Variants in RPS6KA5 observed in about 807,000 individuals in gnomAD.
RPS6KA5 encodes the protein ribosomal protein S6 kinase alpha-5.
RPS6KA5 carries 27 observed loss-of-function variants against 85.5 expected under a neutral mutation model. The observed-to-expected ratio is 0.32, with a 90% CI of 0.23 to 0.44. The LOEUF is 0.44. Ranked by LOEUF, RPS6KA5 falls within the 20% of genes least tolerant of loss-of-function variation. RPS6KA5 has a pLI of 1.00. For missense variants in RPS6KA5, 811 were observed against 980.9 expected (o/e 0.83, Z 2.31); for synonymous variants, 334 against 348.2 (o/e 0.96, Z 0.46).
rs2032326929 is a variant in RPS6KA5 at position 90,857,194 on chromosome 14, G to C, written c.*14880C>G. ...AAATCCACTGGATAAAGTTTCAAAA[G>C]TGGGAAAGAATAACAAAGACAGGAA... On this transcript the variant is annotated 3_prime_UTR_variant, in exon 17 of 17. Coordinates refer to ENST00000614987, the MANE Select transcript of RPS6KA5 (RefSeq NM_004755.4). 1 of 152,140 alleles carries C rather than the reference G, an allele frequency of 6.6e-6. No individual in the cohort carries two copies. Among genetic ancestry groups the C allele is most frequent in the East Asian group, 1.9e-4 (1 of 5,206 alleles). 9.4% of individuals were successfully genotyped at this position (152,140 alleles called of 1,614,324 possible). A position where few individuals can be genotyped will look rare whatever the true frequency, so the allele number is the denominator to read the frequency against.
chr14:91,029,147 G>A (rs8022627), intron 1 of RPS6KA5, among the ~76,000 whole-genome samples: 20,382 of 152,090 alleles, frequency 0.13, 1,678 homozygotes, highest in East Asian at 0.31. Context: ...CACAGAAAAT[G>A]ACTTATTCTT....
At position 91,060,455 on chromosome 14, in the gene RPS6KA5, C is replaced by T. The variant is rs2043620026; in HGVS notation, c.-21G>A. 2 of 1,430,098 alleles carry T rather than the reference C, an allele frequency of 1.4e-6. No individual in the cohort carries two copies. The highest frequency in any genetic ancestry group is 1.5e-5 in the South Asian group (1 of 65,924). 88.6% of individuals were successfully genotyped at this position (1,430,098 alleles called of 1,614,324 possible). A position where few individuals can be genotyped will look rare whatever the true frequency, so the allele number is the denominator to read the frequency against. ...TCCATCTTCTCCTTTTTTTCCGATC[C>T]CGCGGGTCGCTACGAGGGGAACCCA... On this transcript the variant is annotated 5_prime_UTR_variant, in exon 1 of 17. Transcript: ENST00000614987.
intron 5 of RPS6KA5, among the ~76,000 whole-genome samples, chr14:90,941,676 A>G (rs558326093): frequency 3.4e-4 from 52 of 152,312 alleles, no homozygotes; most frequent in African/African-American, 1.2e-3. Context: ...TTGCATGCCT[A>G]CTTCGAGGGA....
At chr14:90,981,585 A>G (rs1048385614) in intron 2 of RPS6KA5, among the ~76,000 whole-genome samples, 1 of 152,262 alleles carries the variant, frequency 6.6e-6, no homozygotes, top group East Asian at 1.9e-4. Flanking sequence ...TTGCCATGTG[A>G]TAACATCAAG....
Position 90,925,959 on chromosome 14 carries a change from A to G in RPS6KA5, c.619-2763T>C, listed in dbSNP as rs202128969. Among the ~76,000 whole-genome samples, 42 of 150,696 alleles carry G rather than the reference A, an allele frequency of 2.8e-4. No individual in the cohort carries two copies. In the East Asian group the frequency reaches 4.5e-3, roughly 16 times the overall value. ...CCTGACTCAAAAAAAAAAAAAAAAA[A>G]AAAGAAAAGAAAAGAAGAAAAAGAA... On this transcript the variant is annotated intron_variant, in intron 5 of 16. Coordinates refer to ENST00000614987, the MANE Select transcript of RPS6KA5 (RefSeq NM_004755.4).
At chr14:90,913,085 AT>A (rs2035920438) in intron 7 of RPS6KA5, among the ~76,000 whole-genome samples, 1 of 151,378 alleles carries the variant, frequency 6.6e-6, no homozygotes, top group South Asian at 2.1e-4. Flanking sequence ...TAATTTTTGT[AT>A]TTTTAGTAGA....
At position 91,045,141 on chromosome 14, in the gene RPS6KA5, G is replaced by A. The variant is rs7150874; in HGVS notation, c.103+15191C>T. Reference sequence around the variant, plus strand: ...TGCTATTACAAGCCACTACATTTGTGGTAATTTGTTATGCAGCAATAGAAA... The same window carrying A: ...TGCTATTACAAGCCACTACATTTGTAGTAATTTGTTATGCAGCAATAGAAA... On this transcript the variant is annotated intron_variant, in intron 1 of 16. Coordinates refer to ENST00000614987, the MANE Select transcript of RPS6KA5 (RefSeq NM_004755.4). Among the ~76,000 whole-genome samples, 290 of 152,122 alleles carry A rather than the reference G, an allele frequency of 1.9e-3. 1 individual carries two copies. Among genetic ancestry groups the A allele is most frequent in the African/African-American group, 6.2e-3 (256 of 41,480 alleles).
Position 91,060,334 on chromosome 14 carries a change from G to T in RPS6KA5, c.101C>A (p.Thr34Asn). ...QLLTVKHELR[T>N]ANLTGHAEKV... ...CGGCAGAGGGCGGGGTCGCTCACCA[G>T]TCCGCAGCTCGTGCTTGACAGTGAG... Residue 34 changes from threonine (T) to asparagine (N), a missense_variant and splice_region_variant, in exon 1 of 17, where the codon ACT (threonine) becomes AAT (asparagine). Around this residue, in one of 3 missense-constraint regions of RPS6KA5, gnomAD observed 113 missense variants for 100.0 expected, o/e 1.13. Coordinates refer to ENST00000614987, the MANE Select transcript of RPS6KA5 (RefSeq NM_004755.4). 1 of 1,392,144 alleles carries T rather than the reference G, an allele frequency of 7.2e-7. No homozygotes were observed. 86.2% of individuals were successfully genotyped at this position (1,392,144 alleles called of 1,614,324 possible).
At chr14:90,940,397 G>A (rs1265312661) in intron 5 of RPS6KA5, among the ~76,000 whole-genome samples, 7 of 152,128 alleles carry the variant, frequency 4.6e-5, no homozygotes, top group Non-Finnish European at 7.4e-5. Flanking sequence ...CTGTTGACAC[G>A]ACTAGCAGCA....
chr14:91,021,646 C>G (rs1566874521), intron 1 of RPS6KA5, among the ~76,000 whole-genome samples: 1 of 152,214 alleles, frequency 6.6e-6, no homozygotes, highest in East Asian at 1.9e-4. Context: ...CTCCTGACCT[C>G]AGGTGATCCG....
chr14:91,008,461 T>A (rs2041124456), intron 1 of RPS6KA5, among the ~76,000 whole-genome samples: 1 of 152,184 alleles, frequency 6.6e-6, no homozygotes, highest in South Asian at 2.1e-4. Flanking sequence ...AAAAGCTCAT[T>A]GAGAATACAG....
At chr14:90,885,397 C>T (rs1426571327) in intron 14 of RPS6KA5, among the ~76,000 whole-genome samples, 2 of 150,130 alleles carry the variant, frequency 1.3e-5, no homozygotes, top group Non-Finnish European at 3.0e-5. Context: ...ACTAGAAATA[C>T]AAAAAATTAG....
In RPS6KA5 at chr14:90,872,063, T is replaced by C; in HGVS notation, c.*11A>G. 1 of 1,609,002 alleles carries C rather than the reference T, an allele frequency of 6.2e-7. No homozygotes were observed. The highest frequency in any genetic ancestry group is 8.5e-7 in the Non-Finnish European group (1 of 1,177,854). On this transcript the variant is annotated 3_prime_UTR_variant, in exon 17 of 17. Transcript: ENST00000614987. ...AAGGTGCAATGGATCACTGATACACTCCTACCATGCCTAAGCTACTGAGTC... is the reference window on the plus strand; with the variant it reads ...AAGGTGCAATGGATCACTGATACACCCCTACCATGCCTAAGCTACTGAGTC...
intron 5 of RPS6KA5, among the ~76,000 whole-genome samples, chr14:90,928,915 G>A (rs2036825267): frequency 6.6e-6 from 1 of 151,840 alleles, no homozygotes; most frequent in African/African-American, 2.4e-5. Context: ...AAAATTATAG[G>A]TCAACTTAGA....
At position 91,060,539 on chromosome 14, in the gene RPS6KA5, C is replaced by T. The variant is rs976999301; in HGVS notation, c.-105G>A. 23 of 1,217,588 alleles carry T rather than the reference C, an allele frequency of 1.9e-5. No individual in the cohort carries two copies. Among genetic ancestry groups the T allele is most frequent in the Admixed American group, 1.3e-4 (3 of 23,000 alleles). 75.4% of individuals were successfully genotyped at this position (1,217,588 alleles called of 1,614,324 possible). A position where few individuals can be genotyped will look rare whatever the true frequency, so the allele number is the denominator to read the frequency against. On this transcript the variant is annotated 5_prime_UTR_variant, in exon 1 of 17. Coordinates refer to ENST00000614987, the MANE Select transcript of RPS6KA5 (RefSeq NM_004755.4). ...TGCCGCGGCCCCAGGAGTCGGGGTG[C>T]GGCGGCTCCAGAACTCGGACGCAAA... is the stretch of plus-strand genomic sequence containing the variant.
chr14:90,868,497 T>C lies in RPS6KA5; in HGVS notation c.*3577A>G, dbSNP rs534195980. 1 of 152,332 alleles carries C rather than the reference T, an allele frequency of 6.6e-6. No homozygotes were observed. The highest frequency in any genetic ancestry group is 2.1e-4 in the South Asian group (1 of 4,830). The allele number at this position is 152,332 out of a possible 1,614,324, so 9.4% of individuals were successfully genotyped here. A position where few individuals can be genotyped will look rare whatever the true frequency, so the allele number is the denominator to read the frequency against. On this transcript the variant is annotated 3_prime_UTR_variant, in exon 17 of 17. Coordinates refer to ENST00000614987, the MANE Select transcript of RPS6KA5 (RefSeq NM_004755.4). The stretch of plus-strand genomic sequence containing the variant: ...AACAATTATTTTGACATAAGTGGCA[T>C]ATCAGAATTTAACTTATTTACTTAG...
intron 2 of RPS6KA5, among the ~76,000 whole-genome samples, chr14:90,998,007 G>GAAAAA (rs58227226): frequency 1.5e-4 from 9 of 59,894 alleles, no homozygotes; most frequent in African/African-American, 1.9e-4. Flanking sequence ...GACTCTGTCT[G>GAAAAA]AAAAAAAAAA....
intron 1 of RPS6KA5, among the ~76,000 whole-genome samples, chr14:91,017,260 GA>G (rs2139773162): frequency 6.6e-6 from 1 of 152,356 alleles, no homozygotes; most frequent in South Asian, 2.1e-4. Flanking sequence ...TTTTATCATG[GA>G]AGGGGCAGTG....
chr14:90,988,206 T>C (rs557743887), intron 2 of RPS6KA5, among the ~76,000 whole-genome samples: 1 of 152,354 alleles, frequency 6.6e-6, no homozygotes, highest in East Asian at 1.9e-4. Context: ...GTTATTTCTC[T>C]ATTTACTGCA....
Sources: gnomAD v4.1 joint callset for allele counts (sites outside exome capture counted in the v4.1 genomes callset) on GRCh38, gnomAD v4.1.1 for gene constraint, gnomAD v4.1.1 regional missense constraint, MANE v1.5 for transcripts, NCBI Gene and HGNC (gene_info 2026-07-23, HGNC 2026-07-21) for gene names.